The following RASGEF1B variants were observed in gnomAD, a reference collection of about 807,000 sequenced individuals.
RASGEF1B encodes RasGEF domain family member 1B, also known as ras-GEF domain-containing family member 1B.
Under a neutral mutation model 65.7 loss-of-function variants are expected in RASGEF1B, and 30 were observed. The ratio of observed to expected loss-of-function variants is 0.46; its 90% CI spans 0.34 to 0.62. The LOEUF is 0.62. RASGEF1B is among the 20% of genes least tolerant of loss of function. RASGEF1B has a pLI of 0.01. For missense variants in RASGEF1B, 495 were observed against 580.1 expected (o/e 0.85, Z 1.51); for synonymous variants, 175 against 194.8 (o/e 0.90, Z 0.85).
intron 2 of RASGEF1B, among the ~76,000 whole-genome samples, chr4:81,458,613 C>T (rs1189595755): frequency 9.9e-5 from 15 of 152,170 alleles, no homozygotes; most frequent in Admixed American, 9.2e-4. Context: ...TCTCCTACTA[C>T]TAAGCTCAAT....
chr4:81,449,106 C>A lies in RASGEF1B; in HGVS notation c.439-822G>T, dbSNP rs189875107. Among the ~76,000 whole-genome samples, 5 of 152,338 alleles carry A rather than the reference C, an allele frequency of 3.3e-5. No homozygotes were observed. In the South Asian group the frequency reaches 1.0e-3, roughly 32 times the overall value. ...GGATTACAGGCATAAGCCACCGCGT[C>A]TGGCCTACCACCTTCTTGACTTACA... On this transcript the variant is annotated intron_variant, in intron 4 of 13. Transcript: ENST00000264400.
chr4:81,457,994 T>C (rs1722506948), intron 2 of RASGEF1B, among the ~76,000 whole-genome samples: 1 of 152,118 alleles, frequency 6.6e-6, no homozygotes, highest in Non-Finnish European at 1.5e-5. Context: ...ATACAAAACA[T>C]GGTTGTGTGT....
intron 13 of RASGEF1B, among the ~76,000 whole-genome samples, chr4:81,431,939 C>G (rs28488514): frequency 0.15 from 22,144 of 152,118 alleles, 1,897 homozygotes; most frequent in South Asian, 0.31. Flanking sequence ...TTCTTTATCT[C>G]AGGTTAAATA....
chr4:81,433,905 C>T lies in RASGEF1B; in HGVS notation c.1259G>A (p.Cys420Tyr). ...SEFMTWKQVE[C>Y]PFERDRKILQ... Reference sequence around the variant, plus strand: ...GATCTTCCGGTCCCTCTCAAATGGACACTCCACTTGTTTCCATGTCATAAA... The same window carrying T: ...GATCTTCCGGTCCCTCTCAAATGGATACTCCACTTGTTTCCATGTCATAAA... Residue 420 changes from cysteine (C) to tyrosine (Y), a missense_variant, in exon 12 of 14, where the codon TGT (cysteine) becomes TAT (tyrosine). Physicochemically the swap from Cys to Tyr is radical, Grantham distance 194. Coordinates refer to ENST00000264400, the MANE Select transcript of RASGEF1B (RefSeq NM_152545.3). 1 of 1,613,500 alleles carries T rather than the reference C, an allele frequency of 6.2e-7. No individual in the cohort carries two copies. The highest frequency in any genetic ancestry group is 2.2e-5 in the East Asian group (1 of 44,858).
intron 4 of RASGEF1B, among the ~76,000 whole-genome samples, chr4:81,450,375 T>G (rs1166828902): frequency 7.1e-6 from 1 of 140,428 alleles, no homozygotes; most frequent in Non-Finnish European, 1.5e-5. Context: ...ATTGACTGAT[T>G]GACTGACTGA....
intron 2 of RASGEF1B, 72 bp from the exon 3 acceptor site, chr4:81,457,693 T>C (rs1259312347): frequency 1.3e-6 from 2 of 1,532,686 alleles, no homozygotes; most frequent in Non-Finnish European, 1.8e-6. Context: ...ATACTATGTC[T>C]TATTTCATTA....
intron 8 of RASGEF1B, among the ~76,000 whole-genome samples, chr4:81,444,764 T>C (rs1215203369): frequency 6.6e-6 from 1 of 152,222 alleles, no homozygotes; most frequent in Non-Finnish European, 1.5e-5. Context: ...CTCGATCTCC[T>C]GACTTTGTGA....
intron 12 of RASGEF1B, 103 bp from the exon 13 acceptor site, chr4:81,432,474 C>A: frequency 1.5e-6 from 1 of 667,026 alleles, no homozygotes; most frequent in Non-Finnish European, 2.6e-6. Context: ...TAGCAAAATA[C>A]TCTTCAAAAT....
In RASGEF1B at chr4:81,442,318, A is replaced by T; in HGVS notation, c.987T>A (p.Thr329=). 6.2e-7 allele frequency: 1 copy of T among 1,612,330 alleles called. No homozygotes were observed. Among genetic ancestry groups the T allele is most frequent in the Non-Finnish European group, 8.5e-7 (1 of 1,178,394 alleles). ...RLKKTWAKVK[T]AKFDILEHQM... is the part of the protein sequence containing the mutation. ...ATACCTCAAGAATGTCAAATTTTGC[A>T]GTCTTCACTTTGGCCCAAGTTTTTT... Residue 329 remains threonine (T), a synonymous_variant, in exon 9 of 14, where the codon ACT becomes ACA. Transcript: ENST00000264400.
In RASGEF1B at chr4:81,442,604, A is replaced by G. The variant is rs1268041035; in HGVS notation, c.929-228T>C. Among the ~76,000 whole-genome samples, 19 of 152,228 alleles carry G rather than the reference A, an allele frequency of 1.2e-4. 1 individual carries two copies. The highest frequency in any genetic ancestry group is 1.2e-3 in the Admixed American group (19 of 15,288). On this transcript the variant is annotated intron_variant, in intron 8 of 13. Coordinates refer to ENST00000264400, the MANE Select transcript of RASGEF1B (RefSeq NM_152545.3). ...AGAGGTGAATACATTTTCTCTATGAAGGGAAAGAGAGTAAGCATTTTAGGC... is the reference window on the plus strand; with the variant it reads ...AGAGGTGAATACATTTTCTCTATGAGGGGAAAGAGAGTAAGCATTTTAGGC...
chr4:81,434,210 G>A (rs182992303), intron 11 of RASGEF1B, among the ~76,000 whole-genome samples: 4 of 152,100 alleles, frequency 2.6e-5, no homozygotes, highest in East Asian at 1.9e-4. Context: ...GAACCACCAC[G>A]ACTAGCTAAT....
intron 6 of RASGEF1B, among the ~76,000 whole-genome samples, chr4:81,447,049 C>T (rs1722051644): frequency 1.3e-5 from 2 of 152,202 alleles, no homozygotes; most frequent in African/African-American, 4.8e-5. Context: ...ATAAACCTCT[C>T]ATGAGAGATT....
chr4:81,462,626 T>G (rs1722687059), intron 1 of RASGEF1B, among the ~76,000 whole-genome samples: 1 of 152,220 alleles, frequency 6.6e-6, no homozygotes, highest in South Asian at 2.1e-4. Context: ...AGTCTTATTT[T>G]TCTACCTCCC....
intron 10 of RASGEF1B, 81 bp from the exon 11 acceptor site, chr4:81,434,815 A>T (rs1218311625): frequency 1.2e-5 from 9 of 727,202 alleles, no homozygotes; most frequent in Admixed American, 2.2e-5. Context: ...TTAATGAACA[A>T]CATTAACTTT....
At chr4:81,449,367 G>GTT (rs1187727283) in intron 4 of RASGEF1B, among the ~76,000 whole-genome samples, 3 of 152,182 alleles carry the variant, frequency 2.0e-5, no homozygotes, top group Non-Finnish European at 4.4e-5. Context: ...ACTGCATGTA[G>GTT]TTTAGATAAC....
At chr4:81,457,436 C>T in intron 3 of RASGEF1B, 63 bp downstream of exon 3, 1 of 1,582,970 alleles carries the variant, frequency 6.3e-7, no homozygotes. Flanking sequence ...AAGGAACCAA[C>T]TTCACAAAAT....
In RASGEF1B at chr4:81,440,845, T is replaced by C. The variant is rs775691223; in HGVS notation, c.1093A>G (p.Ser365Gly). ...CTTTAAGTGCATACCTTTTCTCTAC[T>C]ACTATGAGCAGTTAAAGACCTTTGT... ...AAQRSLTAHS[S>G]REKIVIPFFS... Residue 365 changes from serine (S) to glycine (G), a missense_variant, in exon 10 of 14, where the codon AGT becomes GGT. Ser to Gly is a moderately conservative substitution (Grantham distance 56). Transcript: ENST00000264400. 2 of 1,605,402 alleles carry C rather than the reference T, an allele frequency of 1.2e-6. No individual in the cohort carries two copies. Among genetic ancestry groups the C allele is most frequent in the East Asian group, 2.2e-5 (1 of 44,788 alleles).
intron 9 of RASGEF1B, among the ~76,000 whole-genome samples, chr4:81,441,550 T>TTTG (rs1721838658): frequency 6.6e-6 from 1 of 151,546 alleles, no homozygotes; most frequent in African/African-American, 2.4e-5. Context: ...ATTTTTTTTT[T>TTTG]TTTTTTTTTG....
At chr4:81,455,775 T>A (rs1334687299) in intron 4 of RASGEF1B, 1 of 152,180 alleles carries the variant, frequency 6.6e-6, no homozygotes, top group Non-Finnish European at 1.5e-5. Context: ...GAAGTGATAT[T>A]TATGAAAGCC....
Sources: gnomAD v4.1 joint callset for allele counts (sites outside exome capture counted in the v4.1 genomes callset) on GRCh38, gnomAD v4.1.1 for gene constraint, MANE v1.5 for transcripts, NCBI Gene and HGNC (gene_info 2026-07-23, HGNC 2026-07-21) for gene names.